Variants in MALT1 observed in about 807,000 individuals in gnomAD.
MALT1 encodes the protein MALT1 paracaspase, also known as mucosa-associated lymphoid tissue lymphoma translocation protein 1.
In MALT1, 36 loss-of-function variants were observed where a neutral mutation model predicts 85.5. The observed-to-expected ratio is 0.42, with a 90% CI of 0.32 to 0.56. The LOEUF (loss-of-function observed/expected upper bound fraction) is 0.56, where lower values mean the gene tolerates loss of function less well. Ranked by LOEUF, MALT1 falls within the 20% of genes least tolerant of loss-of-function variation. The probability of loss-of-function intolerance (pLI) is 0.10; values close to 1 mark genes in which losing one functional copy is unlikely to be tolerated. For missense variants in MALT1, 716 were observed against 981.6 expected, an observed-to-expected ratio of 0.73 and a Z score of 3.62; for synonymous variants, 359 against 361.3, an observed-to-expected ratio of 0.99 and a Z score of 0.07.
intron 13 of MALT1, among the ~76,000 whole-genome samples, chr18:58,740,754 ACT>A (rs1287967912): frequency 6.8e-6 from 1 of 146,102 alleles, no homozygotes; most frequent in African/African-American, 2.7e-5. Context: ...TGGTTGCAGA[ACT>A]CTATGTATGC....
In MALT1 at chr18:58,709,113, A is replaced by G. The variant is rs114807953; in HGVS notation, c.650-265A>G. On this transcript the variant is annotated intron_variant, in intron 4 of 16. Transcript: ENST00000649217. Reference sequence around the variant, plus strand: ...TTCCTCTCCTTAATTGACAATTCATACTAACACTTTTAAAGCTTTGAGAAG... The same window carrying G: ...TTCCTCTCCTTAATTGACAATTCATGCTAACACTTTTAAAGCTTTGAGAAG... Among the ~76,000 whole-genome samples, 641 of 152,342 alleles carry G rather than the reference A, an allele frequency of 4.2e-3. 7 individuals are homozygous for G. The highest frequency in any genetic ancestry group is 0.014 in the African/African-American group (593 of 41,582).
chr18:58,700,537 G>GAATT lies in MALT1; in HGVS notation c.596_599dup (p.Phe200LeufsTer22), dbSNP rs1380219597. 1 of 1,612,910 alleles carries GAATT rather than the reference G, an allele frequency of 6.2e-7. No homozygotes were observed. The highest frequency in any genetic ancestry group is 1.7e-5 in the Admixed American group (1 of 59,744). ...TCGAGTTAATAACAATTTCACCTTTGAATTCAGCCAGTGGTCACAGCTGGA... is the reference window on the plus strand; with the variant it reads ...TCGAGTTAATAACAATTTCACCTTTGAATTAATTCAGCCAGTGGTCACAGCTGGA... On this transcript the variant is annotated frameshift_variant, in exon 4 of 17. Coordinates refer to ENST00000649217, the MANE Select transcript of MALT1 (RefSeq NM_006785.4). LOFTEE classifies it high-confidence loss of function.
intron 9 of MALT1, among the ~76,000 whole-genome samples, chr18:58,718,971 G>A (rs1274654852): frequency 6.6e-6 from 1 of 152,154 alleles, no homozygotes; most frequent in Non-Finnish European, 1.5e-5. Flanking sequence ...TGGTAAGAAT[G>A]GAGGCATGAA....
rs1479942375 is a variant in MALT1, at chr18:58,748,376, A to G, written c.*534A>G. 1 of 181,256 alleles carries G rather than the reference A, an allele frequency of 5.5e-6. No homozygotes were observed. Among genetic ancestry groups the G allele is most frequent in the Non-Finnish European group, 1.2e-5 (1 of 84,722 alleles). The allele number at this position is 181,256 out of a possible 1,614,324, so 11.2% of individuals were successfully genotyped here. A position where few individuals can be genotyped will look rare whatever the true frequency, so the allele number is the denominator to read the frequency against. The stretch of plus-strand genomic sequence containing the variant: ...GTTATGTTTGTAGATAGAGTGAAAT[A>G]TATTTATATATATATAAATATATAC... On this transcript the variant is annotated 3_prime_UTR_variant, in exon 17 of 17. Coordinates refer to ENST00000649217, the MANE Select transcript of MALT1 (RefSeq NM_006785.4).
intron 4 of MALT1, among the ~76,000 whole-genome samples, chr18:58,702,349 A>C (rs2054685908): frequency 6.6e-6 from 1 of 152,098 alleles, no homozygotes; most frequent in South Asian, 2.1e-4. Context: ...ACACCAGTGC[A>C]CTCCAGCCTA....
At chr18:58,702,161 C>T (rs776571892) in intron 4 of MALT1, among the ~76,000 whole-genome samples, 1 of 145,932 alleles carries the variant, frequency 6.9e-6, no homozygotes, top group Admixed American at 7.2e-5. Context: ...TCACTTGAGG[C>T]CAGGGGTTCA....
chr18:58,686,527 A>G (rs1026278184), intron 2 of MALT1, among the ~76,000 whole-genome samples: 2 of 152,166 alleles, frequency 1.3e-5, no homozygotes, highest in Non-Finnish European at 2.9e-5. Context: ...ATGAATCCCA[A>G]GTTGCTTTTC....
chr18:58,692,646 C>CT (rs1363166639), intron 2 of MALT1, among the ~76,000 whole-genome samples: 4 of 152,150 alleles, frequency 2.6e-5, no homozygotes, highest in Admixed American at 6.5e-5. Flanking sequence ...ACAGTGATCT[C>CT]TAAGTGTTCA....
rs189431424 is a variant in MALT1 at position 58,728,629 on chromosome 18, T to A, written c.1223-4768T>A. On this transcript the variant is annotated intron_variant, in intron 10 of 16. Transcript: ENST00000649217. Reference sequence around the variant, plus strand: ...CAAATAAATAAATAAATAAATTTTTTAAAAAAATGATTTGGACTAGTTCAT... The same window carrying A: ...CAAATAAATAAATAAATAAATTTTTAAAAAAAATGATTTGGACTAGTTCAT... Among the ~76,000 whole-genome samples, 673 of 152,220 alleles carry A rather than the reference T, an allele frequency of 4.4e-3. 3 individuals carry two copies. Among genetic ancestry groups the A allele is most frequent in the South Asian group, 4.4e-3 (21 of 4,818 alleles).
At position 58,715,930 on chromosome 18, in the gene MALT1, T is replaced by A. The variant is rs545727809; in HGVS notation, c.986-5T>A. On this transcript the variant is annotated splice_region_variant and splice_polypyrimidine_tract_variant and intron_variant, in intron 8 of 16. Coordinates refer to ENST00000649217, the MANE Select transcript of MALT1 (RefSeq NM_006785.4). Reference sequence around the variant, plus strand: ...TACATGTTTTGCTTTTTTATCTTTGTATAGATAATAAAGAGCAAACAACTG... The same window carrying A: ...TACATGTTTTGCTTTTTTATCTTTGAATAGATAATAAAGAGCAAACAACTG... 1.1e-4 allele frequency: 171 copies of A among 1,599,576 alleles called. No individual in the cohort carries two copies. The South Asian group carries it at 1.7e-3, about 16-fold the overall frequency.
intron 1 of MALT1, among the ~76,000 whole-genome samples, chr18:58,678,873 G>T (rs190980570): frequency 6.6e-6 from 1 of 152,210 alleles, no homozygotes; most frequent in Non-Finnish European, 1.5e-5. Flanking sequence ...TGGTCTAGGA[G>T]GACCTTGTAG....
chr18:58,722,099 T>G (rs2054991791), intron 9 of MALT1, among the ~76,000 whole-genome samples: 1 of 108,972 alleles, frequency 9.2e-6, no homozygotes, highest in Non-Finnish European at 2.2e-5. Context: ...GGTTTTGGTG[T>G]GTTCTTTATT....
chr18:58,749,191 GAATT>G lies in MALT1; in HGVS notation c.*1352_*1355del. On this transcript the variant is annotated 3_prime_UTR_variant, in exon 17 of 17. Coordinates refer to ENST00000649217, the MANE Select transcript of MALT1 (RefSeq NM_006785.4). ...TACAGAATATTCTCCCATAAACACT[GAATT>G]AAATATGGAACAACTGCTTTTAGGA... The G allele has an allele frequency of 4.6e-6, 1 of 217,382 alleles. No homozygotes were observed. The highest frequency in any genetic ancestry group is 9.2e-6 in the Non-Finnish European group (1 of 108,276). 13.5% of individuals were successfully genotyped at this position (217,382 alleles called of 1,614,324 possible). A position where few individuals can be genotyped will look rare whatever the true frequency, so the allele number is the denominator to read the frequency against.
intron 9 of MALT1, among the ~76,000 whole-genome samples, chr18:58,719,132 ATC>A (rs1280253618): frequency 1.3e-5 from 2 of 152,158 alleles, no homozygotes; most frequent in African/African-American, 2.4e-5. Flanking sequence ...CAGTTTTATT[ATC>A]TCTCATTGTT....
intron 7 of MALT1, among the ~76,000 whole-genome samples, chr18:58,711,456 T>C (rs1173356027): frequency 6.6e-6 from 1 of 152,178 alleles, no homozygotes; most frequent in Non-Finnish European, 1.5e-5. Context: ...AATATAAAAT[T>C]GATCAGGATT....
Position 58,748,583 on chromosome 18 carries a change from TAGAGGTTA to T in MALT1, c.*745_*752del. ...TGATAAAATGTTTGTTAAAGCTAGATAGAGGTTAAGAATCAAGATATAATGGATAATTT... is the reference window on the plus strand; with the variant it reads ...TGATAAAATGTTTGTTAAAGCTAGATAGAATCAAGATATAATGGATAATTT... On this transcript the variant is annotated 3_prime_UTR_variant, in exon 17 of 17. Coordinates refer to ENST00000649217, the MANE Select transcript of MALT1 (RefSeq NM_006785.4). 1 of 188,612 alleles carries T rather than the reference TAGAGGTTA, an allele frequency of 5.3e-6. No individual in the cohort carries two copies. The highest frequency in any genetic ancestry group is 1.1e-5 in the Non-Finnish European group (1 of 89,206). 11.7% of individuals were successfully genotyped at this position (188,612 alleles called of 1,614,324 possible).
Position 58,747,850 on chromosome 18 carries a change from G to A in MALT1, c.*8G>A, listed in dbSNP as rs1275392143. On this transcript the variant is annotated 3_prime_UTR_variant, in exon 17 of 17. Coordinates refer to ENST00000649217, the MANE Select transcript of MALT1 (RefSeq NM_006785.4). ...AGAATTTCTGAAAAATGACCTCCTT[G>A]TTTTTGAAAGTTAGCATAATTTTAG... 3.1e-6 allele frequency: 5 copies of A among 1,604,964 alleles called. No individual in the cohort carries two copies. The highest frequency in any genetic ancestry group is 4.3e-6 in the Non-Finnish European group (5 of 1,174,090).
Position 58,749,709 on chromosome 18 carries a change from A to C in MALT1, c.*1867A>C, listed in dbSNP as rs1370224251. 1 of 220,834 alleles carries C rather than the reference A, an allele frequency of 4.5e-6. No homozygotes were observed. Among genetic ancestry groups the C allele is most frequent in the Admixed American group, 5.8e-5 (1 of 17,332 alleles). The allele number at this position is 220,834 out of a possible 1,614,324, so 13.7% of individuals were successfully genotyped here. ...CTGTACCATATTTAATAAAGCACAAAACCCACACAGATTGTCTTATTACAG... is the reference window on the plus strand; with the variant it reads ...CTGTACCATATTTAATAAAGCACAACACCCACACAGATTGTCTTATTACAG... On this transcript the variant is annotated 3_prime_UTR_variant, in exon 17 of 17. Transcript: ENST00000649217.
intron 1 of MALT1, among the ~76,000 whole-genome samples, chr18:58,678,357 C>T (rs995119129): frequency 2.0e-5 from 3 of 152,164 alleles, no homozygotes; most frequent in African/African-American, 7.2e-5. Context: ...AGGCTTTCAG[C>T]CTTGACAATT....
Sources: allele counts gnomAD v4.1 joint callset (sites outside exome capture counted in the v4.1 genomes callset), GRCh38; gene constraint gnomAD v4.1.1; transcripts MANE v1.5; gene names NCBI Gene and HGNC (gene_info 2026-07-23, HGNC 2026-07-21).